HGD: variants seen among roughly 807,000 people sequenced by gnomAD.
HGD encodes the protein homogentisate 1,2-dioxygenase.
In HGD, 61 loss-of-function variants were observed where a neutral mutation model predicts 60.8. The observed-to-expected ratio is 1.00, with a 90% CI of 0.82 to 1.24. The LOEUF is 1.24. Among genes scored for constraint, HGD ranks in the 50% most tolerant of loss-of-function variants. HGD has a pLI of 0.00. For synonymous variants in HGD, 212 were observed against 187.7 expected, an observed-to-expected ratio of 1.13 and a Z score of -1.06; for missense variants, 542 against 547.1, an observed-to-expected ratio of 0.99 and a Z score of 0.09.
At chr3:120,646,215 A>T (rs1576295481) in intron 9 of HGD, 52 bp downstream of exon 9, 3 of 1,078,698 alleles carry the variant, frequency 2.8e-6, no homozygotes, top group East Asian at 4.7e-5. Flanking sequence ...TCATGCAATT[A>T]TCTGAGTCCT....
rs1007646526 is a variant in HGD, at chr3:120,662,278, G to A, written c.282+8149C>T. ...TTTAGCACGCTGATTCTGGCAGCACGGTGTGGGATAGGGAGGGGAAGACAT... is the reference window on the plus strand; with the variant it reads ...TTTAGCACGCTGATTCTGGCAGCACAGTGTGGGATAGGGAGGGGAAGACAT... On this transcript the variant is annotated intron_variant, in intron 4 of 13. Transcript: ENST00000283871. 2.6e-5 allele frequency among the ~76,000 whole-genome samples: 4 copies of A among 152,168 alleles called. No homozygotes were observed. The South Asian group carries it at 6.2e-4, about 24-fold the overall frequency.
In HGD at chr3:120,638,564, T is replaced by C. The variant is rs1940859809; in HGVS notation, c.897A>G (p.Thr299=). The C allele has an allele frequency of 6.2e-7, 1 of 1,613,826 alleles. No individual in the cohort carries two copies. The highest frequency in any genetic ancestry group is 1.3e-5 in the African/African-American group (1 of 74,882). ...GGCGGACAGACTTAGCAGTCAATAC[T>C]GTGAAAATGGATGGGTCCTGTGAAC... ...AFDHADPSIF[T]VLTAKSVRPG... The change falls in exon 12 of 14, where the codon ACA becomes ACG. Residue 299 remains threonine (T), a synonymous_variant. Coordinates refer to ENST00000283871, the MANE Select transcript of HGD (RefSeq NM_000187.4).
chr3:120,635,129 A>T (rs1288933860), intron 12 of HGD, among the ~76,000 whole-genome samples: 1 of 152,184 alleles, frequency 6.6e-6, no homozygotes, highest in African/African-American at 2.4e-5. Context: ...ACATTTCTAT[A>T]TCATTTTCTA....
At chr3:120,649,104 C>T in intron 6 of HGD, among the ~76,000 whole-genome samples, 1 of 146,670 alleles carries the variant, frequency 6.8e-6, no homozygotes, top group Admixed American at 6.8e-5. Context: ...CAGGTCCATT[C>T]TAAAGGATTT....
intron 12 of HGD, 127 bp downstream of exon 12, chr3:120,638,328 G>A: frequency 2.6e-6 from 3 of 1,150,566 alleles, no homozygotes; most frequent in Non-Finnish European, 3.9e-6. Flanking sequence ...GCCTTGTGCA[G>A]CAGGATCCTG....
At chr3:120,645,088 C>T (rs888393186) in intron 9 of HGD, among the ~76,000 whole-genome samples, 1 of 152,166 alleles carries the variant, frequency 6.6e-6, no homozygotes, top group African/African-American at 2.4e-5. Context: ...CTGAGAGGAG[C>T]GAGCTGAGGA....
intron 9 of HGD, 104 bp from the exon 10 acceptor site, chr3:120,644,547 C>A: frequency 1.9e-6 from 3 of 1,584,710 alleles, no homozygotes; most frequent in East Asian, 2.3e-5. Flanking sequence ...AAGAGCTACT[C>A]CACAAATTGC....
At chr3:120,646,219 G>C (rs766350674) in intron 9 of HGD, 48 bp downstream of exon 9, 1 of 1,101,274 alleles carries the variant, frequency 9.1e-7, no homozygotes, top group Non-Finnish European at 1.4e-6. Context: ...GCAATTATCT[G>C]AGTCCTACAT....
intron 8 of HGD, among the ~76,000 whole-genome samples, chr3:120,646,650 C>T (rs1190648812): frequency 2.0e-5 from 3 of 150,088 alleles, no homozygotes; most frequent in East Asian, 2.0e-4. Context: ...CCTGATTTAG[C>T]CACACTAAAA....
chr3:120,676,131 G>A (rs1182894117), intron 1 of HGD, among the ~76,000 whole-genome samples: 2 of 152,150 alleles, frequency 1.3e-5, no homozygotes, highest in South Asian at 2.1e-4. Flanking sequence ...CTGATTTGTG[G>A]GTCTACACTG....
At chr3:120,659,043 G>T (rs967650777) in intron 4 of HGD, among the ~76,000 whole-genome samples, 3 of 152,224 alleles carry the variant, frequency 2.0e-5, no homozygotes, top group African/African-American at 7.2e-5. Context: ...CCAAAGGTCT[G>T]TGAAATGCCT....
chr3:120,679,111 T>C (rs1000533660), intron 1 of HGD, among the ~76,000 whole-genome samples: 1 of 152,238 alleles, frequency 6.6e-6, no homozygotes, highest in Non-Finnish European at 1.5e-5. Flanking sequence ...CAAGAATAAA[T>C]TCCTGAGCTC....
intron 12 of HGD, 68 bp downstream of exon 12, chr3:120,638,387 A>G: frequency 1.3e-6 from 2 of 1,591,476 alleles, no homozygotes; most frequent in Non-Finnish European, 1.7e-6. Flanking sequence ...ATTATTCCCA[A>G]TGTGTAGCGC....
rs1941311072 is a variant in HGD, at chr3:120,650,727, AT to A, written c.434+46del. The A allele has an allele frequency of 2.1e-6, 3 of 1,416,816 alleles. No individual in the cohort carries two copies. The East Asian group carries it at 6.8e-5, about 32-fold the overall frequency. The allele number at this position is 1,416,816 out of a possible 1,614,324, so 87.8% of individuals were successfully genotyped here. A position where few individuals can be genotyped will look rare whatever the true frequency, so the allele number is the denominator to read the frequency against. ...ACCTGGAGTTTGACTTCTGGCCAAA[AT>A]CCCTTAGAAGATGGGCATGTCCTTC... On this transcript the variant is annotated intron_variant, in intron 6 of 13. Coordinates refer to ENST00000283871, the MANE Select transcript of HGD (RefSeq NM_000187.4).
intron 8 of HGD, 74 bp from the exon 9 acceptor site, chr3:120,646,440 T>A: frequency 1.1e-6 from 1 of 921,422 alleles, no homozygotes; most frequent in Non-Finnish European, 1.8e-6. Context: ...CCCAGAGCCA[T>A]AGCCCATCCC....
chr3:120,633,274 T>C lies in HGD; in HGVS notation c.1061A>G (p.Gln354Arg), dbSNP rs1940648871. The change falls in exon 13 of 14, where the codon CAA becomes CGA. Residue 354 changes from glutamine to arginine, a missense_variant. Physicochemically the swap from Gln to Arg is conservative, Grantham distance 43. Around this residue, in one of 2 missense-constraint regions of HGD, gnomAD observed 537 missense variants for 529.1 expected, o/e 1.01. Transcript: ENST00000283871. ...CCCTCCCCCTGGCAGGAACCCACCT[T>C]GCTTTGCCTCATAGTGACCTCGGAT... ...GLIRGHYEAK[Q>R]GGFLPGGGSL... is the part of the protein sequence containing the mutation. 1.2e-6 allele frequency: 2 copies of C among 1,613,960 alleles called. No homozygotes were observed. Among genetic ancestry groups the C allele is most frequent in the African/African-American group, 1.3e-5 (1 of 74,898 alleles).
In HGD at chr3:120,680,203, C is replaced by T. The variant is rs575494503; in HGVS notation, c.15+1894G>A. Among the ~76,000 whole-genome samples, 15 of 152,240 alleles carry T rather than the reference C, an allele frequency of 9.9e-5. No homozygotes were observed. In the East Asian group the frequency reaches 2.3e-3, roughly 23 times the overall value. On this transcript the variant is annotated intron_variant, in intron 1 of 13. Transcript: ENST00000283871. Reference sequence around the variant, plus strand: ...TTACTTTATCTTTTGAATTTTCTTACCCCAGTTGTACTTTTGTGTAAATGT... The same window carrying T: ...TTACTTTATCTTTTGAATTTTCTTATCCCAGTTGTACTTTTGTGTAAATGT...
chr3:120,642,332 C>G (rs971816627), intron 10 of HGD, among the ~76,000 whole-genome samples: 1 of 152,102 alleles, frequency 6.6e-6, no homozygotes, highest in Non-Finnish European at 1.5e-5. Context: ...CTCATAGAGG[C>G]GTGGTTAGGG....
At chr3:120,637,600 G>GTCTCTCTGTCTCTCTCTCTGTC (rs1940824252) in intron 12 of HGD, among the ~76,000 whole-genome samples, 2 of 151,876 alleles carry the variant, frequency 1.3e-5, no homozygotes, top group African/African-American at 4.8e-5. Context: ...GCACATTTCT[G>GTCTCTCTGTCTCTCTCTCTGTC]TCTCTCTGTC....
Sources: allele counts gnomAD v4.1 joint callset (sites outside exome capture counted in the v4.1 genomes callset), GRCh38; gene constraint gnomAD v4.1.1; regional missense constraint gnomAD v4.1.1; transcripts MANE v1.5; gene names NCBI Gene and HGNC (gene_info 2026-07-23, HGNC 2026-07-21).